Variants in DOCK10 observed in about 807,000 individuals in gnomAD.
DOCK10 encodes the protein dedicator of cytokinesis protein 10.
In DOCK10, 145 loss-of-function variants were observed where a neutral mutation model predicts 280.1. That is an observed-to-expected ratio of 0.52 (90% confidence interval 0.45 to 0.59). The LOEUF (loss-of-function observed/expected upper bound fraction) is 0.59, where lower values mean the gene tolerates loss of function less well. Ranked by LOEUF, DOCK10 falls within the 20% of genes least tolerant of loss-of-function variation. The probability of loss-of-function intolerance (pLI) is 0.00; values close to 1 mark genes in which losing one functional copy is unlikely to be tolerated. For missense variants in DOCK10, 2,368 were observed against 2,651.7 expected (o/e 0.89, Z 2.35); for synonymous variants, 915 against 942.2 (o/e 0.97, Z 0.53).
chr2:224,859,489 C>A (rs748250595), intron 14 of DOCK10, among the ~76,000 whole-genome samples: 1 of 152,106 alleles, frequency 6.6e-6, no homozygotes, highest in Non-Finnish European at 1.5e-5. Flanking sequence ...ATTCCTCCCC[C>A]AAGGATAACC....
chr2:225,028,510 A>T (rs915938085), intron 1 of DOCK10, among the ~76,000 whole-genome samples: 2 of 152,112 alleles, frequency 1.3e-5, no homozygotes, highest in African/African-American at 4.8e-5. Flanking sequence ...CCCTCACCAG[A>T]CTTCTCACCT....
rs200116788 is a variant in DOCK10 at position 224,823,661 on chromosome 2, G to A, written c.3037-14C>T. 20 of 1,566,602 alleles carry A rather than the reference G, an allele frequency of 1.3e-5. No individual in the cohort carries two copies. Among genetic ancestry groups the A allele is most frequent in the Non-Finnish European group, 1.5e-5 (18 of 1,163,808 alleles). On this transcript the variant is annotated splice_polypyrimidine_tract_variant and intron_variant, in intron 27 of 55. Transcript: ENST00000258390. ...AGGCCGGGGAAGCTAAGGAAAGAAC[G>A]GATTATATCTTTCTAATGTGGCATG...
chr2:224,904,945 C>G (rs958257901), intron 3 of DOCK10, among the ~76,000 whole-genome samples: 14 of 152,240 alleles, frequency 9.2e-5, no homozygotes, highest in African/African-American at 2.9e-4. Flanking sequence ...AAATGAGCAG[C>G]ATGAAGTACT....
chr2:224,971,159 C>G (rs917262433), intron 1 of DOCK10, among the ~76,000 whole-genome samples: 3 of 152,026 alleles, frequency 2.0e-5, no homozygotes, highest in Non-Finnish European at 4.4e-5. Context: ...TATTAAAAAC[C>G]CTGACTTTTA....
intron 1 of DOCK10, among the ~76,000 whole-genome samples, chr2:224,939,629 T>C (rs1575088313): frequency 6.6e-6 from 1 of 152,210 alleles, no homozygotes; most frequent in South Asian, 2.1e-4. Flanking sequence ...GGGAAATTAA[T>C]GCCTTAGAGT....
intron 14 of DOCK10, among the ~76,000 whole-genome samples, chr2:224,859,651 T>A (rs1232649509): frequency 1.3e-5 from 2 of 152,222 alleles, no homozygotes; most frequent in Admixed American, 1.3e-4. Flanking sequence ...ATAATCTAAA[T>A]TGTCAGTTCT....
chr2:225,036,972 CA>C (rs1355374081), intron 1 of DOCK10, among the ~76,000 whole-genome samples: 1 of 151,692 alleles, frequency 6.6e-6, no homozygotes, highest in Non-Finnish European at 1.5e-5. Context: ...ATCTCACATG[CA>C]TCTTTGTAAG....
intron 27 of DOCK10, 66 bp downstream of exon 27, chr2:224,830,475 A>G (rs1267112443): frequency 2.4e-6 from 2 of 850,000 alleles, no homozygotes; most frequent in Non-Finnish European, 3.4e-6. Flanking sequence ...TGACAGCATA[A>G]TCATTAGTGT....
chr2:224,839,953 C>T lies in DOCK10; in HGVS notation c.2780+1G>A. On this transcript the variant is annotated splice_donor_variant, in intron 24 of 55. Transcript: ENST00000258390. LOFTEE classifies it high-confidence loss of function. ...TCCTCTTAAGGTTGTGTTATGGATA[C>T]CTGGTGACAGTTGTAGTTATTTCAT... The T allele has an allele frequency of 7.0e-7, 1 of 1,426,620 alleles. No homozygotes were observed. The highest frequency in any genetic ancestry group is 9.6e-7 in the Non-Finnish European group (1 of 1,037,266). 88.4% of individuals were successfully genotyped at this position (1,426,620 alleles called of 1,614,324 possible).
chr2:224,791,414 TAAAC>T (rs1574828424), intron 47 of DOCK10, among the ~76,000 whole-genome samples: 2 of 152,176 alleles, frequency 1.3e-5, no homozygotes, highest in East Asian at 3.9e-4. Flanking sequence ...CCAAGGTCCT[TAAAC>T]AAGTGACCTC....
At chr2:224,987,462 T>C (rs913428492) in intron 1 of DOCK10, among the ~76,000 whole-genome samples, 9 of 151,850 alleles carry the variant, frequency 5.9e-5, no homozygotes, top group Non-Finnish European at 1.3e-4. Flanking sequence ...AGAGCACCTG[T>C]CACCAAATAC....
intron 1 of DOCK10, among the ~76,000 whole-genome samples, chr2:224,974,991 T>C (rs1038664285): frequency 6.6e-6 from 1 of 151,198 alleles, no homozygotes; most frequent in African/African-American, 2.4e-5. Flanking sequence ...TACTTGGTTT[T>C]CCGATTTTCT....
intron 46 of DOCK10, 144 bp from the exon 47 acceptor site, chr2:224,793,216 A>C (rs1274551023): frequency 1.2e-6 from 1 of 829,520 alleles, no homozygotes; most frequent in East Asian, 2.5e-5. Flanking sequence ...TGTACATAGA[A>C]TAAATAAGTC....
At chr2:224,991,995 C>G (rs6730596) in intron 1 of DOCK10, among the ~76,000 whole-genome samples, 6,689 of 152,174 alleles carry the variant, frequency 0.044, 168 homozygotes, top group Middle Eastern at 0.11. Context: ...GCTAATGCAT[C>G]AAGAAAAACC....
chr2:224,826,442 C>A (rs766394628), intron 27 of DOCK10, among the ~76,000 whole-genome samples: 4 of 152,126 alleles, frequency 2.6e-5, no homozygotes, highest in Non-Finnish European at 5.9e-5. Flanking sequence ...CAGATATCTC[C>A]CCTGACTTCC....
chr2:224,889,962 G>T (rs140921828), intron 4 of DOCK10, among the ~76,000 whole-genome samples: 126 of 152,332 alleles, frequency 8.3e-4, no homozygotes, highest in Middle Eastern at 3.4e-3. Flanking sequence ...AACAGAAGAT[G>T]AGTGTTCCAG....
intron 55 of DOCK10, among the ~76,000 whole-genome samples, chr2:224,767,787 T>C (rs1421991683): frequency 1.3e-5 from 2 of 152,226 alleles, no homozygotes; most frequent in East Asian, 3.8e-4. Context: ...TTTCCTCCCA[T>C]CAACTCTCAC....
chr2:224,989,062 C>T, intron 1 of DOCK10, among the ~76,000 whole-genome samples: 1 of 152,188 alleles, frequency 6.6e-6, no homozygotes, highest in South Asian at 2.1e-4. Flanking sequence ...CTTGGTTGCC[C>T]ACGCTGGAAG....
chr2:224,873,017 G>C (rs1015030531), intron 11 of DOCK10, among the ~76,000 whole-genome samples: 2 of 152,124 alleles, frequency 1.3e-5, no homozygotes, highest in African/African-American at 4.8e-5. Context: ...TAACAATCTA[G>C]TGGGACTGCC....
Sources: allele counts gnomAD v4.1 joint callset (sites outside exome capture counted in the v4.1 genomes callset), GRCh38; gene constraint gnomAD v4.1.1; transcripts MANE v1.5; gene names NCBI Gene and HGNC (gene_info 2026-07-23, HGNC 2026-07-21).